The following DLG2 variants were observed in gnomAD, a reference collection of about 807,000 sequenced individuals.
DLG2 encodes disks large homolog 2.
Under a neutral mutation model 132.5 loss-of-function variants are expected in DLG2, and 45 were observed. That is an observed-to-expected ratio of 0.34 (90% CI 0.27 to 0.44). DLG2 has a LOEUF of 0.44. Ranked by LOEUF, DLG2 falls within the 20% of genes least tolerant of loss-of-function variation. The pLI is 1.00. For missense variants in DLG2, 1,045 were observed against 1,196.9 expected, an observed-to-expected ratio of 0.87 and a Z score of 1.87; for synonymous variants, 424 against 419.6, an observed-to-expected ratio of 1.01 and a Z score of -0.13.
At chr11:83,559,672 T>C (rs1165211543) in intron 19 of DLG2, among the ~76,000 whole-genome samples, 1 of 152,252 alleles carries the variant, frequency 6.6e-6, no homozygotes, top group Non-Finnish European at 1.5e-5. Context: ...TCTAGCTATA[T>C]CCATGAGCCT....
intron 6 of DLG2, among the ~76,000 whole-genome samples, chr11:84,930,006 AAGAATG>A (rs2047908860): frequency 6.6e-6 from 1 of 152,134 alleles, no homozygotes; most frequent in Non-Finnish European, 1.5e-5. Flanking sequence ...AGAAAAGTCT[AAGAATG>A]AGTGCCTCAC....
intron 6 of DLG2, among the ~76,000 whole-genome samples, chr11:85,110,708 C>T (rs956169120): frequency 6.6e-6 from 1 of 152,034 alleles, no homozygotes; most frequent in Admixed American, 6.6e-5. Context: ...CAGGCTCCCC[C>T]AGGCTTACTG....
intron 14 of DLG2, among the ~76,000 whole-genome samples, chr11:83,949,604 G>T (rs1010370199): frequency 1.3e-4 from 20 of 152,196 alleles, no homozygotes; most frequent in African/African-American, 3.6e-4. Context: ...TAATGGCAGA[G>T]CCTTTAATTA....
In DLG2 at chr11:84,373,252, A is replaced by AAAAAAAAAAAC. The variant is rs1567448313; in HGVS notation, c.520-121962_520-121961insGTTTTTTTTTT. Among the ~76,000 whole-genome samples the AAAAAAAAAAAC allele has an allele frequency of 2.6e-4, 21 of 79,584 alleles. 1 individual carries two copies. The highest frequency in any genetic ancestry group is 4.9e-4 in the Admixed American group (4 of 8,176). The allele number at this position is 79,584 out of a possible 152,430, so 52.2% of individuals were successfully genotyped here. Reference sequence around the variant, plus strand: ...TTTTTTCCAATTAAGAAACAGTCAAAAAAAAAAAAAAACAAAACAAAAAAA... The same window carrying AAAAAAAAAAAC: ...TTTTTTCCAATTAAGAAACAGTCAAAAAAAAAAAAACAAAAAAAAAAAACAAAACAAAAAAA... On this transcript the variant is annotated intron_variant, in intron 7 of 27. Transcript: ENST00000376104.
At chr11:83,477,425 T>C (rs1565384554) in intron 22 of DLG2, among the ~76,000 whole-genome samples, 1 of 152,126 alleles carries the variant, frequency 6.6e-6, no homozygotes, top group Admixed American at 6.6e-5. Context: ...ACCTATTTTA[T>C]AATGCTTGAG....
intron 6 of DLG2, among the ~76,000 whole-genome samples, chr11:84,553,740 A>G (rs2099406470): frequency 6.6e-6 from 1 of 152,200 alleles, no homozygotes; most frequent in Non-Finnish European, 1.5e-5. Context: ...TACAGTCTTA[A>G]ACGGTTGTGT....
intron 6 of DLG2, among the ~76,000 whole-genome samples, chr11:84,938,076 T>A (rs2154095329): frequency 6.6e-6 from 1 of 152,308 alleles, no homozygotes; most frequent in South Asian, 2.1e-4. Context: ...TTTTAACAGT[T>A]CTGTGAGGTT....
chr11:83,842,005 A>G (rs1054553761), intron 16 of DLG2, among the ~76,000 whole-genome samples: 9 of 152,330 alleles, frequency 5.9e-5, no homozygotes, highest in East Asian at 1.9e-4. Flanking sequence ...CTTAAAAGGT[A>G]TTATTCTTTT....
intron 10 of DLG2, among the ~76,000 whole-genome samples, chr11:84,064,853 AC>A (rs2096647133): frequency 6.6e-6 from 1 of 152,152 alleles, no homozygotes; most frequent in South Asian, 2.1e-4. Flanking sequence ...ACAGCAAGGT[AC>A]TGGTACAAAA....
At chr11:83,900,384 G>A (rs1714496313) in intron 15 of DLG2, among the ~76,000 whole-genome samples, 1 of 152,216 alleles carries the variant, frequency 6.6e-6, no homozygotes, top group South Asian at 2.1e-4. Flanking sequence ...GCATGTCAGA[G>A]GTCTTGATGG....
intron 7 of DLG2, among the ~76,000 whole-genome samples, chr11:84,436,276 C>T (rs2099000585): frequency 6.6e-6 from 1 of 151,980 alleles, no homozygotes; most frequent in Non-Finnish European, 1.5e-5. Flanking sequence ...AAGTCAGAAC[C>T]CCAGTGATAT....
At chr11:85,626,793 A>G (rs2082052793) in intron 1 of DLG2, 40 bp from the exon 2 acceptor site, 2 of 152,200 alleles carry the variant, frequency 1.3e-5, no homozygotes, top group African/African-American at 4.8e-5. Context: ...TTTTTTCCAC[A>G]ACTAAACTTT....
intron 6 of DLG2, among the ~76,000 whole-genome samples, chr11:84,958,319 C>G (rs2052006317): frequency 6.6e-6 from 1 of 152,148 alleles, no homozygotes; most frequent in African/African-American, 2.4e-5. Context: ...GGAAAGTCCT[C>G]AAATTACGTT....
At chr11:85,530,292 G>A (rs928189489) in intron 3 of DLG2, among the ~76,000 whole-genome samples, 4 of 150,828 alleles carry the variant, frequency 2.7e-5, no homozygotes, top group Non-Finnish European at 5.9e-5. Context: ...CACTGCGCCT[G>A]GCCTTTTTTT....
At chr11:83,731,335 T>C (rs942773889) in intron 18 of DLG2, among the ~76,000 whole-genome samples, 4 of 152,196 alleles carry the variant, frequency 2.6e-5, no homozygotes, top group African/African-American at 4.8e-5. Context: ...CCCCTCCCTG[T>C]GTCCATGTGT....
chr11:85,320,241 C>T (rs2080967117), intron 3 of DLG2, among the ~76,000 whole-genome samples: 1 of 151,854 alleles, frequency 6.6e-6, no homozygotes, highest in Non-Finnish European at 1.5e-5. Flanking sequence ...TAGAAAGGTC[C>T]TTAGAATTCA....
rs1422692865 is a variant in DLG2, at chr11:83,456,997, A to G, written c.*2821T>C. ...CAAATGCCTCTGCACTTAGCTGACA[A>G]ATGGAATTTTGATTTTGGTAAAGCT... On this transcript the variant is annotated 3_prime_UTR_variant, in exon 28 of 28. Transcript: ENST00000376104. 6.6e-6 allele frequency: 1 copy of G among 152,642 alleles called. No homozygotes were observed. Among genetic ancestry groups the G allele is most frequent in the Non-Finnish European group, 1.5e-5 (1 of 68,028 alleles). The allele number at this position is 152,642 out of a possible 1,614,324, so 9.5% of individuals were successfully genotyped here.
intron 6 of DLG2, among the ~76,000 whole-genome samples, chr11:84,969,220 T>G (rs781165500): frequency 1.3e-5 from 2 of 152,190 alleles, no homozygotes; most frequent in Admixed American, 6.6e-5. Context: ...AAGAAACAAC[T>G]GGAATTCAGT....
At chr11:84,493,402 T>C (rs1386501152) in intron 7 of DLG2, among the ~76,000 whole-genome samples, 4 of 152,024 alleles carry the variant, frequency 2.6e-5, no homozygotes, top group Admixed American at 6.6e-5. Flanking sequence ...GTTTGGCAAC[T>C]CTCCTCCTAG....
Sources: gnomAD v4.1 joint callset for allele counts (sites outside exome capture counted in the v4.1 genomes callset) on GRCh38, gnomAD v4.1.1 for gene constraint, MANE v1.5 for transcripts, NCBI Gene and HGNC (gene_info 2026-07-23, HGNC 2026-07-21) for gene names.